GPR137C: variants seen among roughly 807,000 people sequenced by gnomAD.
GPR137C encodes integral membrane protein GPR137C.
In GPR137C, 27 loss-of-function variants were observed where a neutral mutation model predicts 43.4. That is an observed-to-expected ratio of 0.62 (90% CI 0.46 to 0.86). GPR137C has a LOEUF of 0.86. Among genes scored for constraint, GPR137C ranks in the 40% least tolerant of loss-of-function variants. The pLI is 0.00. For synonymous variants in GPR137C, 285 were observed against 226.9 expected (o/e 1.26, Z -2.30); for missense variants, 522 against 534.6 (o/e 0.98, Z 0.23).
intron 3 of GPR137C, chr14:52,612,861 C>T (rs1594802851): frequency 6.6e-6 from 1 of 151,824 alleles, no homozygotes; most frequent in East Asian, 1.9e-4. Context: ...CCATGGTACT[C>T]AGCCCATTAT....
chr14:52,567,664 T>TGGG, intron 1 of GPR137C, among the ~76,000 whole-genome samples: 1 of 91,146 alleles, frequency 1.1e-5, no homozygotes, highest in East Asian at 3.6e-4. Flanking sequence ...TTTTTTTGGT[T>TGGG]TTTTTTTTTT....
At position 52,633,573 on chromosome 14, in the gene GPR137C, G is replaced by T; in HGVS notation, c.911G>T (p.Gly304Val). 6.2e-7 allele frequency: 1 copy of T among 1,612,480 alleles called. No homozygotes were observed. The change falls in exon 5 of 7, where the codon GGA becomes GTA. Residue 304 changes from glycine to valine, a missense_variant. Gly to Val is a moderately radical substitution (Grantham distance 109, BLOSUM62 -3). Transcript: ENST00000321662. ...AGTGGAGAAGAGTATATAGTATTTG[G>T]AATGGTCCTCTTTCTGTGGGAACAT... is the stretch of plus-strand genomic sequence containing the variant. ...DISGEEYIVF[G>V]MVLFLWEHVP...
chr14:52,586,558 A>G (rs1021781964), intron 1 of GPR137C, among the ~76,000 whole-genome samples: 1 of 152,076 alleles, frequency 6.6e-6, no homozygotes, highest in Non-Finnish European at 1.5e-5. Context: ...GACTAGTCTG[A>G]TTCTTATGTT....
At chr14:52,579,345 G>A (rs907182436) in intron 1 of GPR137C, among the ~76,000 whole-genome samples, 1 of 152,150 alleles carries the variant, frequency 6.6e-6, no homozygotes, top group Non-Finnish European at 1.5e-5. Flanking sequence ...ATGAAGAAGA[G>A]GCATTTGCCC....
At chr14:52,584,575 T>C (rs2038688582) in intron 1 of GPR137C, among the ~76,000 whole-genome samples, 1 of 152,212 alleles carries the variant, frequency 6.6e-6, no homozygotes, top group Non-Finnish European at 1.5e-5. Flanking sequence ...TTTGGCCTCC[T>C]GACTCCCTTT....
At chr14:52,607,402 T>G (rs1467168724) in intron 3 of GPR137C, among the ~76,000 whole-genome samples, 1 of 152,234 alleles carries the variant, frequency 6.6e-6, no homozygotes, top group Non-Finnish European at 1.5e-5. Context: ...AGTCCCCTAC[T>G]GCTACTGTAT....
intron 3 of GPR137C, among the ~76,000 whole-genome samples, chr14:52,615,093 G>A (rs921083057): frequency 2.0e-5 from 3 of 152,170 alleles, no homozygotes; most frequent in African/African-American, 7.2e-5. Flanking sequence ...TGAGGTCTTA[G>A]ATTTAAGTGT....
intron 3 of GPR137C, among the ~76,000 whole-genome samples, chr14:52,626,125 G>C (rs1446637680): frequency 1.3e-5 from 2 of 152,090 alleles, no homozygotes; most frequent in African/African-American, 4.8e-5. Flanking sequence ...GTATACAGTA[G>C]GATGTGCACA....
At chr14:52,596,113 A>G (rs1368704311) in intron 1 of GPR137C, among the ~76,000 whole-genome samples, 3 of 152,202 alleles carry the variant, frequency 2.0e-5, no homozygotes. Flanking sequence ...CTAGAGGTCC[A>G]CTTCAGAACC....
chr14:52,632,338 A>C (rs1279764895), intron 4 of GPR137C, 29 bp downstream of exon 4: 1 of 1,542,904 alleles, frequency 6.5e-7, no homozygotes. Context: ...TTGCCAGTCT[A>C]ACAATGTGAT....
At chr14:52,590,781 A>C (rs2038771925) in intron 1 of GPR137C, among the ~76,000 whole-genome samples, 1 of 152,184 alleles carries the variant, frequency 6.6e-6, no homozygotes, top group Admixed American at 6.5e-5. Context: ...AGGTTTGTGT[A>C]AATATACTCT....
Position 52,577,598 on chromosome 14 carries a change from CAAA to C in GPR137C, c.445-20672_445-20670del, listed in dbSNP as rs553824644. On this transcript the variant is annotated intron_variant, in intron 1 of 6. Coordinates refer to ENST00000321662, the MANE Select transcript of GPR137C (RefSeq NM_001099652.2). ...AAGACAAACAAAATTGGTAGGCAAA[CAAA>C]AGAAGAGAGAGGATTCAAATAAGAA... Among the ~76,000 whole-genome samples, 482 of 151,224 alleles carry C rather than the reference CAAA, an allele frequency of 3.2e-3. 5 individuals carry two copies. Among genetic ancestry groups the C allele is most frequent in the African/African-American group, 0.011 (434 of 41,162 alleles).
chr14:52,599,533 A>C (rs1438339926), intron 2 of GPR137C, among the ~76,000 whole-genome samples: 1 of 151,270 alleles, frequency 6.6e-6, no homozygotes, highest in South Asian at 2.1e-4. Context: ...TCCTAGATTC[A>C]AGTGATTCTT....
At chr14:52,565,817 C>T (rs539531942) in intron 1 of GPR137C, among the ~76,000 whole-genome samples, 6 of 152,292 alleles carry the variant, frequency 3.9e-5, no homozygotes, top group African/African-American at 1.4e-4. Context: ...TAAGATAGTA[C>T]ATCATGAATG....
intron 1 of GPR137C, among the ~76,000 whole-genome samples, chr14:52,581,697 T>C (rs1011888941): frequency 2.6e-5 from 4 of 152,212 alleles, no homozygotes; most frequent in African/African-American, 9.6e-5. Context: ...GATATGGAAA[T>C]TGGATAACTG....
chr14:52,569,503 A>T (rs2038431006), intron 1 of GPR137C, among the ~76,000 whole-genome samples: 1 of 152,062 alleles, frequency 6.6e-6, no homozygotes, highest in Non-Finnish European at 1.5e-5. Context: ...TCCAAGCTAA[A>T]GGAGCATGTT....
rs552035794 is a variant in GPR137C at position 52,628,633 on chromosome 14, T to C, written c.718-3527T>C. ...CAACATGGTAAAACTCCGTCTCTAC[T>C]AAAAATACAAAAATTTGCCAGGTGT... On this transcript the variant is annotated intron_variant, in intron 3 of 6. Coordinates refer to ENST00000321662, the MANE Select transcript of GPR137C (RefSeq NM_001099652.2). Among the ~76,000 whole-genome samples, 90 of 152,138 alleles carry C rather than the reference T, an allele frequency of 5.9e-4. No individual in the cohort carries two copies. The Middle Eastern group carries it at 0.014, about 23-fold the overall frequency.
At chr14:52,603,216 G>C (rs1333833899) in intron 3 of GPR137C, among the ~76,000 whole-genome samples, 4 of 152,068 alleles carry the variant, frequency 2.6e-5, no homozygotes, top group Non-Finnish European at 5.9e-5. Context: ...TTCTGTGCCT[G>C]GCTTATTTCA....
intron 1 of GPR137C, among the ~76,000 whole-genome samples, chr14:52,590,115 C>T (rs1471154159): frequency 6.6e-6 from 1 of 152,070 alleles, no homozygotes; most frequent in African/African-American, 2.4e-5. Flanking sequence ...TCCAGTGGCA[C>T]AAGATGTGGA....
Sources: allele counts gnomAD v4.1 joint callset (sites outside exome capture counted in the v4.1 genomes callset), GRCh38; gene constraint gnomAD v4.1.1; transcripts MANE v1.5; gene names NCBI Gene and HGNC (gene_info 2026-07-23, HGNC 2026-07-21).